Variants in ROGDI observed in about 807,000 individuals in gnomAD.
ROGDI encodes the protein rogdi atypical leucine zipper, also known as protein rogdi homolog.
In ROGDI, 46 loss-of-function variants were observed where a neutral mutation model predicts 43.1. The ratio of observed to expected loss-of-function variants is 1.07; its 90% CI spans 0.84 to 1.37. The LOEUF is 1.37. Among genes scored for constraint, ROGDI ranks in the 40% most tolerant of loss-of-function variants. ROGDI has a pLI of 0.00. For missense variants in ROGDI, 518 were observed against 383.9 expected (o/e 1.35, Z -2.92); for synonymous variants, 243 against 162.0 (o/e 1.50, Z -3.80).
At chr16:4,801,935 AG>A (rs1324051711) in intron 2 of ROGDI, 1 of 566,478 alleles carries the variant, frequency 1.8e-6, no homozygotes. Context: ...GGCCACAGCA[AG>A]CACTACGCCG....
In ROGDI at chr16:4,800,450, TGCC is replaced by T. The variant is rs771161868; in HGVS notation, c.336+45_336+47del. On this transcript the variant is annotated intron_variant, in intron 5 of 10. Transcript: ENST00000322048. ...CAGGGAGGCCCCGCGGCAGGCCTGC[TGCC>T]GCCTGTCCTTGTGGCTGAGCACTAG... 96 of 1,485,400 alleles carry T rather than the reference TGCC, an allele frequency of 6.5e-5. No homozygotes were observed. In the Middle Eastern group the frequency reaches 1.1e-3, roughly 16 times the overall value. 92.0% of individuals were successfully genotyped at this position (1,485,400 alleles called of 1,614,324 possible).
In ROGDI at chr16:4,802,543, G is replaced by A. The variant is rs1324617654; in HGVS notation, c.29C>T (p.Ala10Val). Residue 10 changes from alanine (A) to valine (V), a missense_variant, in exon 1 of 11, where the codon GCG (alanine) becomes GTG (valine). Coordinates refer to ENST00000322048, the MANE Select transcript of ROGDI (RefSeq NM_024589.3). ...GCGCCTTACCAGCACCGCCCGCTCC[G>A]CCGCCGTCGCTGCCATCACGGTGGC... Reference protein sequence around the residue: MATVMAATAAERAVLEEEFR... With the variant: MATVMAATAVERAVLEEEFR... 2 of 1,278,388 alleles carry A rather than the reference G, an allele frequency of 1.6e-6. No homozygotes were observed. The highest frequency in any genetic ancestry group is 3.4e-5 in the East Asian group (1 of 29,582). 79.2% of individuals were successfully genotyped at this position (1,278,388 alleles called of 1,614,324 possible).
rs921023605 is a variant in ROGDI, at chr16:4,802,595, C to T, written c.-24G>A. 1 of 1,303,998 alleles carries T rather than the reference C, an allele frequency of 7.7e-7. No homozygotes were observed. Among genetic ancestry groups the T allele is most frequent in the Non-Finnish European group, 9.8e-7 (1 of 1,023,102 alleles). The allele number at this position is 1,303,998 out of a possible 1,614,324, so 80.8% of individuals were successfully genotyped here. ...ATGGCCGCAGGCCGCCGCCGAGCGC[C>T]CTCCCCACCGGCCGCTGCTCCTGTC... On this transcript the variant is annotated 5_prime_UTR_variant, in exon 1 of 11. Coordinates refer to ENST00000322048, the MANE Select transcript of ROGDI (RefSeq NM_024589.3).
In ROGDI at chr16:4,802,402, G is replaced by A; in HGVS notation, c.97C>T (p.Gln33Ter). Reference sequence around the variant, plus strand: ...GTTACCTTGAGGATGTCCTGCAGCTGCTTCAACACAGCGTGCACCTCGTCG... The same window carrying A: ...GTTACCTTGAGGATGTCCTGCAGCTACTTCAACACAGCGTGCACCTCGTCG... Reference protein sequence around the residue: ...LHDEVHAVLKQLQDILKEASL... With the variant: ...LHDEVHAVLK Residue 33 changes from glutamine (Q) to a stop codon, truncating the protein, a stop_gained, in exon 2 of 11, where the codon CAG (glutamine) becomes TAG (stop). Transcript: ENST00000322048. LOFTEE classifies it high-confidence loss of function. 6.4e-7 allele frequency: 1 copy of A among 1,565,210 alleles called. No homozygotes were observed. Among genetic ancestry groups the A allele is most frequent in the Non-Finnish European group, 8.6e-7 (1 of 1,160,260 alleles).
At chr16:4,801,118 G>A (rs1019726429) in intron 4 of ROGDI, 149 bp downstream of exon 4, 1 of 611,140 alleles carries the variant, frequency 1.6e-6, no homozygotes, top group Admixed American at 3.2e-5. Flanking sequence ...GAAGGTGTGA[G>A]GGTTGCTGTC....
rs955802587 is a variant in ROGDI, at chr16:4,798,467, C to T, written c.531+102G>A. On this transcript the variant is annotated intron_variant, in intron 7 of 10. Coordinates refer to ENST00000322048, the MANE Select transcript of ROGDI (RefSeq NM_024589.3). ...AAACCTGCCTAGACAGAATATTCCA[C>T]CTATAATCTGGGAGTGGCACCCCTC... The T allele has an allele frequency of 1.4e-5, 13 of 924,516 alleles. No homozygotes were observed. In the African/African-American group the frequency reaches 1.8e-4, roughly 13 times the overall value. The allele number at this position is 924,516 out of a possible 1,614,324, so 57.3% of individuals were successfully genotyped here.
Position 4,802,416 on chromosome 16 carries a change from T to C in ROGDI, c.83A>G (p.His28Arg). 1 of 1,533,832 alleles carries C rather than the reference T, an allele frequency of 6.5e-7. No homozygotes were observed. The highest frequency in any genetic ancestry group is 8.7e-7 in the Non-Finnish European group (1 of 1,146,192). Reference protein sequence around the residue: ...EFRWLLHDEVHAVLKQLQDIL... With the variant: ...EFRWLLHDEVRAVLKQLQDIL... ...GTCCTGCAGCTGCTTCAACACAGCG[T>C]GCACCTCGTCGTGCAGCAGCCAGCG... The change falls in exon 2 of 11, where the codon CAC becomes CGC. Residue 28 changes from histidine (H) to arginine (R), a missense_variant. Coordinates refer to ENST00000322048, the MANE Select transcript of ROGDI (RefSeq NM_024589.3).
Position 4,801,605 on chromosome 16 carries a change from A to T in ROGDI, c.118-20T>A, listed in dbSNP as rs566499154. ...GGCCTCCTGTGGAACAGAGGGAAGGAGGGGAGCTGGTAGCGCCCACTCAGG... is the reference window on the plus strand; with the variant it reads ...GGCCTCCTGTGGAACAGAGGGAAGGTGGGGAGCTGGTAGCGCCCACTCAGG... On this transcript the variant is annotated intron_variant, in intron 2 of 10. Transcript: ENST00000322048. The T allele has an allele frequency of 6.3e-7, 1 of 1,578,492 alleles. No individual in the cohort carries two copies. The highest frequency in any genetic ancestry group is 1.2e-5 in the South Asian group (1 of 86,692).
At position 4,801,808 on chromosome 16, in the gene ROGDI, T is replaced by C. The variant is rs1014249984; in HGVS notation, c.118-223A>G. 2.3e-5 allele frequency: 14 copies of C among 598,510 alleles called. 1 individual carries two copies. In the Admixed American group the frequency reaches 4.0e-4, roughly 17 times the overall value. The allele number at this position is 598,510 out of a possible 1,614,324, so 37.1% of individuals were successfully genotyped here. On this transcript the variant is annotated intron_variant, in intron 2 of 10. Coordinates refer to ENST00000322048, the MANE Select transcript of ROGDI (RefSeq NM_024589.3). The stretch of plus-strand genomic sequence containing the variant: ...CCACATTCCCTGAACACCTCCTGTG[T>C]GCCCGCCTCGGGGAATACAAAACAG...
rs774658087 is a variant in ROGDI, at chr16:4,801,287, C to G, written c.235G>C (p.Gly79Arg). 2.5e-6 allele frequency: 4 copies of G among 1,608,810 alleles called. No homozygotes were observed. Among genetic ancestry groups the G allele is most frequent in the Non-Finnish European group, 8.5e-7 (1 of 1,176,492 alleles). The change falls in exon 4 of 11, where the codon GGG becomes CGG. Residue 79 changes from glycine (G) to arginine (R), a missense_variant. Physicochemically the swap from Gly to Arg is moderately radical, Grantham distance 125 (BLOSUM62 -2). Transcript: ENST00000322048. ...DQVKGVLTLQ[G>R]DALSQADVNL... ...CTCACCGCCTGGCTGAGGGCATCCC[C>G]CTGCAGAGTCAGCACACCCTTCACC...
Position 4,801,537 on chromosome 16 carries a change from C to T in ROGDI, c.166G>A (p.Ala56Thr), listed in dbSNP as rs757288759. Residue 56 changes from alanine (A) to threonine (T), a missense_variant, in exon 3 of 11, where the codon GCC becomes ACC. By Grantham distance (58) the Ala-to-Thr change is moderately conservative. Coordinates refer to ENST00000322048, the MANE Select transcript of ROGDI (RefSeq NM_024589.3). ...CCTAGGATGAAGTTCTCTTGCTTGG[C>T]GGGCCCCTCAGTGCCGGAGCCCGGC... ...TLPGSGTEGP[A>T]KQENFILGSC... 2.5e-6 allele frequency: 4 copies of T among 1,606,736 alleles called. No homozygotes were observed. Among genetic ancestry groups the T allele is most frequent in the East Asian group, 2.2e-5 (1 of 44,686 alleles).
intron 8 of ROGDI, 26 bp from the exon 9 acceptor site, chr16:4,798,013 C>G: frequency 1.2e-6 from 2 of 1,613,370 alleles, no homozygotes; most frequent in Non-Finnish European, 1.7e-6. Context: ...CCAGACCCGT[C>G]AGGCCTTGCA....
rs756110671 is a variant in ROGDI, at chr16:4,801,323, T to C, written c.201-2A>G. The C allele has an allele frequency of 6.2e-7, 1 of 1,605,158 alleles. No homozygotes were observed. The highest frequency in any genetic ancestry group is 1.1e-5 in the South Asian group (1 of 90,474). On this transcript the variant is annotated splice_acceptor_variant, in intron 3 of 10. Coordinates refer to ENST00000322048, the MANE Select transcript of ROGDI (RefSeq NM_024589.3). LOFTEE classifies it high-confidence loss of function. ...AGCACACCCTTCACCTGGTCTGTGC[T>C]GTAACATGTGGCGTCAGAGCGGTGC...
In ROGDI at chr16:4,799,724, G is replaced by A; in HGVS notation, c.394C>T (p.Gln132Ter). ...GCGCCCGTCTTGAACTGGTAGCTCT[G>A]GTCCCGGCTGGTAAGCAGGTAAATG... The part of the protein sequence containing the change: ...QAIYLLTSRD[Q>*]SYQFKTGAEV... The change falls in exon 6 of 11, where the codon CAG becomes TAG. Residue 132 changes from glutamine (Q) to a stop codon, truncating the protein, a stop_gained. Coordinates refer to ENST00000322048, the MANE Select transcript of ROGDI (RefSeq NM_024589.3). LOFTEE classifies it high-confidence loss of function. 1.2e-6 allele frequency: 2 copies of A among 1,613,726 alleles called. No homozygotes were observed. The highest frequency in any genetic ancestry group is 1.7e-6 in the Non-Finnish European group (2 of 1,179,786).
Position 4,801,590 on chromosome 16 carries a change from G to A in ROGDI, c.118-5C>T. The A allele has an allele frequency of 1.3e-6, 2 of 1,589,980 alleles. No homozygotes were observed. The highest frequency in any genetic ancestry group is 8.6e-7 in the Non-Finnish European group (1 of 1,168,208). On this transcript the variant is annotated splice_region_variant and splice_polypyrimidine_tract_variant and intron_variant, in intron 2 of 10. Coordinates refer to ENST00000322048, the MANE Select transcript of ROGDI (RefSeq NM_024589.3). Reference sequence around the variant, plus strand: ...AGTGAAGCGCAGAGAGGCCTCCTGTGGAACAGAGGGAAGGAGGGGAGCTGG... The same window carrying A: ...AGTGAAGCGCAGAGAGGCCTCCTGTAGAACAGAGGGAAGGAGGGGAGCTGG...
intron 4 of ROGDI, 103 bp from the exon 5 acceptor site, chr16:4,800,681 C>G (rs930243477): frequency 3.2e-5 from 30 of 946,448 alleles, no homozygotes; most frequent in Non-Finnish European, 2.1e-5. Flanking sequence ...TGTGGTGGTT[C>G]AGGCCTTGGC....
intron 2 of ROGDI, 154 bp from the exon 3 acceptor site, chr16:4,801,739 C>T: frequency 1.5e-6 from 1 of 679,518 alleles, no homozygotes; most frequent in Non-Finnish European, 2.5e-6. Flanking sequence ...AGACCCTGCC[C>T]AAGCCCCCAG....
At chr16:4,798,487 C>T in intron 7 of ROGDI, 82 bp downstream of exon 7, 3 of 1,081,262 alleles carry the variant, frequency 2.8e-6, no homozygotes, top group Non-Finnish European at 3.9e-6. Flanking sequence ...GGGAGTGGCA[C>T]CCCTCCGCGT....
intron 7 of ROGDI, 87 bp from the exon 8 acceptor site, chr16:4,798,271 C>T (rs143941394): frequency 8.3e-5 from 90 of 1,078,836 alleles, no homozygotes; most frequent in Admixed American, 1.8e-4. Flanking sequence ...ATGGAGTCTG[C>T]AGGGGATCCC....
Sources: gnomAD v4.1 joint callset for allele counts on GRCh38, gnomAD v4.1.1 for gene constraint, MANE v1.5 for transcripts, NCBI Gene and HGNC (gene_info 2026-07-23, HGNC 2026-07-21) for gene names.